The following SLCO1B1 variants were observed in gnomAD, a reference collection of about 807,000 sequenced individuals.
The protein encoded by SLCO1B1 is solute carrier organic anion transporter family member 1B1, also known as OATP-2.
SLCO1B1 carries 81 observed loss-of-function variants against 70.1 expected under a neutral mutation model. The ratio of observed to expected loss-of-function variants is 1.16; its 90% CI spans 0.97 to 1.39. The LOEUF is 1.39. Among genes scored for constraint, SLCO1B1 ranks in the 40% most tolerant of loss-of-function variants. The pLI is 0.00. For synonymous variants in SLCO1B1, 283 were observed against 271.5 expected (o/e 1.04, Z -0.42); for missense variants, 895 against 799.6 (o/e 1.12, Z -1.44).
chr12:21,206,010 T>A lies in SLCO1B1; in HGVS notation c.1474T>A (p.Ser492Thr), dbSNP rs568173893. ...ACCCTGTCTAGCAGGTTGCAAATCT[T>A]CAAGTGGCAATAAAAAGCCTATAGT... ...ISPCLAGCKSSSGNKKPIVFY... is the reference protein window; with the variant it reads ...ISPCLAGCKSTSGNKKPIVFY... The change falls in exon 11 of 15, where the codon TCA (serine) becomes ACA (threonine). Residue 492 changes from serine (S) to threonine (T), a missense_variant. Transcript: ENST00000256958. The A allele has an allele frequency of 1.0e-4, 165 of 1,612,000 alleles. 2 individuals are homozygous for A. The South Asian group carries it at 1.6e-3, about 16-fold the overall frequency.
At chr12:21,209,037 G>GT (rs970936176) in intron 11 of SLCO1B1, among the ~76,000 whole-genome samples, 9 of 149,448 alleles carry the variant, frequency 6.0e-5, no homozygotes, top group Non-Finnish European at 1.2e-4. Flanking sequence ...AGTATTTAGG[G>GT]TTTTTTTTTA....
At position 21,201,788 on chromosome 12, in the gene SLCO1B1, A is replaced by T. The variant is rs188525667; in HGVS notation, c.1136-703A>T. 5.3e-5 allele frequency among the ~76,000 whole-genome samples: 8 copies of T among 152,312 alleles called. No individual in the cohort carries two copies. In the East Asian group the frequency reaches 1.5e-3, roughly 29 times the overall value. ...GCCACACTGCCTTTTGCTATTGAGG[A>T]AACCAAACTGTCATCATTGGCAGGA... On this transcript the variant is annotated intron_variant, in intron 9 of 14. Transcript: ENST00000256958.
intron 1 of SLCO1B1, among the ~76,000 whole-genome samples, chr12:21,139,036 G>T (rs901887020): frequency 2.0e-5 from 3 of 152,068 alleles, no homozygotes; most frequent in African/African-American, 4.8e-5. Context: ...ACAAACAGAA[G>T]TTAATCAATT....
At chr12:21,212,923 C>T (rs1174904384) in intron 11 of SLCO1B1, among the ~76,000 whole-genome samples, 1 of 151,924 alleles carries the variant, frequency 6.6e-6, no homozygotes, top group South Asian at 2.1e-4. Context: ...CTTGGTAGAT[C>T]TTCCTCCATC....
intron 4 of SLCO1B1, among the ~76,000 whole-genome samples, chr12:21,175,814 T>G (rs1940812752): frequency 6.6e-6 from 1 of 152,136 alleles, no homozygotes; most frequent in African/African-American, 2.4e-5. Context: ...TTATGATTCT[T>G]CATGAGTTGT....
intron 2 of SLCO1B1, among the ~76,000 whole-genome samples, chr12:21,142,678 G>A (rs4149022): frequency 0.23 from 34,910 of 151,934 alleles, 4,506 homozygotes; most frequent in East Asian, 0.45. Flanking sequence ...TTTAGGCCAA[G>A]TGGCAGTCAT....
intron 11 of SLCO1B1, among the ~76,000 whole-genome samples, chr12:21,206,665 C>T (rs147307372): frequency 1.1e-4 from 16 of 151,972 alleles, no homozygotes; most frequent in East Asian, 9.7e-4. Context: ...TCATTTATTC[C>T]GTCCTGCAAA....
chr12:21,179,344 G>C (rs1940864837), intron 7 of SLCO1B1, among the ~76,000 whole-genome samples: 1 of 152,110 alleles, frequency 6.6e-6, no homozygotes, highest in Non-Finnish European at 1.5e-5. Context: ...AGTTGATGGT[G>C]GCTTGGATGT....
intron 2 of SLCO1B1, among the ~76,000 whole-genome samples, chr12:21,145,996 A>C (rs569210467): frequency 5.3e-5 from 8 of 152,172 alleles, no homozygotes; most frequent in Middle Eastern, 6.8e-3. Flanking sequence ...TCTGCTTCTA[A>C]CCTCTGAAAA....
intron 2 of SLCO1B1, among the ~76,000 whole-genome samples, chr12:21,165,102 C>A (rs1286515784): frequency 6.6e-6 from 1 of 152,082 alleles, no homozygotes; most frequent in Non-Finnish European, 1.5e-5. Context: ...GTGCGTTTGA[C>A]AAATTAGAAG....
At chr12:21,205,014 T>C (rs12427008) in intron 10 of SLCO1B1, among the ~76,000 whole-genome samples, 11,955 of 151,906 alleles carry the variant, frequency 0.079, 735 homozygotes, top group South Asian at 0.31. Flanking sequence ...CTCCAAGTAG[T>C]ATTTCCTCAA....
chr12:21,141,865 T>C (rs78140527), intron 2 of SLCO1B1, among the ~76,000 whole-genome samples: 1,810 of 152,040 alleles, frequency 0.012, 46 homozygotes, highest in African/African-American at 0.041. Flanking sequence ...TTTTTGATGC[T>C]TAATAGTTTA....
chr12:21,224,538 T>C (rs770769304), intron 13 of SLCO1B1, among the ~76,000 whole-genome samples, 184 bp from the exon 14 acceptor site: 4 of 152,188 alleles, frequency 2.6e-5, no homozygotes, highest in Non-Finnish European at 5.9e-5. Context: ...ATGACATTAC[T>C]ACATGATTTG....
chr12:21,136,432 A>G (rs1255608366), intron 1 of SLCO1B1, among the ~76,000 whole-genome samples: 2 of 152,152 alleles, frequency 1.3e-5, no homozygotes. Context: ...GTGTTTTCCA[A>G]CTTGGTTCCC....
intron 1 of SLCO1B1, among the ~76,000 whole-genome samples, chr12:21,136,577 C>A (rs1471374759): frequency 1.3e-5 from 2 of 152,116 alleles, no homozygotes; most frequent in Non-Finnish European, 2.9e-5. Context: ...TCATTTCATT[C>A]ATTTCGTCTT....
intron 2 of SLCO1B1, among the ~76,000 whole-genome samples, chr12:21,157,664 C>T (rs977493258): frequency 6.0e-5 from 9 of 149,148 alleles, no homozygotes; most frequent in African/African-American, 1.2e-4. Context: ...TGCAGTGGCG[C>T]GATCTTGGCT....
chr12:21,196,836 C>A, intron 7 of SLCO1B1, 110 bp from the exon 8 acceptor site: 1 of 1,122,454 alleles, frequency 8.9e-7, no homozygotes, highest in Non-Finnish European at 1.3e-6. Flanking sequence ...AGAAAAAAAT[C>A]GTGTCTTGGA....
chr12:21,226,421 GA>G (rs147741557), intron 14 of SLCO1B1, among the ~76,000 whole-genome samples: 1 of 148,360 alleles, frequency 6.7e-6, no homozygotes, highest in African/African-American at 2.5e-5. Flanking sequence ...CTCAAAAAAA[GA>G]AAAAAAAAGA....
At chr12:21,223,848 A>T (rs1941456501) in intron 13 of SLCO1B1, among the ~76,000 whole-genome samples, 1 of 152,172 alleles carries the variant, frequency 6.6e-6, no homozygotes, top group Admixed American at 6.6e-5. Flanking sequence ...TTTGCCTAGA[A>T]CCAGGAGTGA....
Sources: allele counts gnomAD v4.1 joint callset (sites outside exome capture counted in the v4.1 genomes callset), GRCh38; gene constraint gnomAD v4.1.1; transcripts MANE v1.5; gene names NCBI Gene and HGNC (gene_info 2026-07-23, HGNC 2026-07-21).